SETDB2: variants seen among roughly 807,000 people sequenced by gnomAD.
SETDB2 encodes SET domain bifurcated histone lysine methyltransferase 2.
Under a neutral mutation model 82.5 loss-of-function variants are expected in SETDB2, and 56 were observed. The observed-to-expected ratio is 0.68, with a 90% CI of 0.55 to 0.85. The LOEUF (loss-of-function observed/expected upper bound fraction) is 0.85. SETDB2 is among the 40% of genes least tolerant of loss of function. The pLI is 0.00. For missense variants in SETDB2, 677 were observed against 816.4 expected (o/e 0.83, Z 2.08); for synonymous variants, 272 against 284.9 (o/e 0.95, Z 0.46).
intron 4 of SETDB2, among the ~76,000 whole-genome samples, chr13:49,463,687 T>C (rs1958043858): frequency 6.6e-6 from 1 of 152,220 alleles, no homozygotes; most frequent in African/African-American, 2.4e-5. Context: ...CAGGTGGCCA[T>C]AATTCAGGCC....
chr13:49,488,160 T>G, intron 11 of SETDB2, 130 bp from the exon 12 acceptor site: 1 of 1,311,436 alleles, frequency 7.6e-7, no homozygotes. Context: ...ACAATTAAAA[T>G]AATACTACCT....
In SETDB2 at chr13:49,458,960, G is replaced by A. The variant is rs138764643; in HGVS notation, c.17-1147G>A. The stretch of plus-strand genomic sequence containing the variant: ...TAGCATGGCACATAGGGCCTTCGAT[G>A]TCATGCCCTACCTGCCTTTTAAGCA... On this transcript the variant is annotated intron_variant, in intron 2 of 13. Transcript: ENST00000611815. 1.5e-3 allele frequency among the ~76,000 whole-genome samples: 236 copies of A among 152,320 alleles called. 1 individual carries two copies. The highest frequency in any genetic ancestry group is 5.5e-3 in the African/African-American group (230 of 41,568).
chr13:49,467,827 T>G, intron 4 of SETDB2, 37 bp from the exon 5 acceptor site: 1 of 1,506,276 alleles, frequency 6.6e-7, no homozygotes, highest in Non-Finnish European at 9.1e-7. Context: ...GGTTTTTAAC[T>G]TGGTATATTT....
At position 49,451,805 on chromosome 13, in the gene SETDB2, C is replaced by A; in HGVS notation, c.-89C>A. On this transcript the variant is annotated 5_prime_UTR_variant, in exon 2 of 14. Transcript: ENST00000611815. ...TGAGGACTGCAAATTTTATAGAGAC[C>A]ACAGTTGGATTCCAGTGATATTCTG... 1 of 1,019,876 alleles carries A rather than the reference C, an allele frequency of 9.8e-7. No homozygotes were observed. 63.2% of individuals were successfully genotyped at this position (1,019,876 alleles called of 1,614,324 possible). A position where few individuals can be genotyped will look rare whatever the true frequency, so the allele number is the denominator to read the frequency against.
intron 1 of SETDB2, among the ~76,000 whole-genome samples, chr13:49,447,631 T>C (rs951087546): frequency 2.6e-5 from 4 of 152,182 alleles, no homozygotes; most frequent in Non-Finnish European, 5.9e-5. Flanking sequence ...TTTTTCTGCA[T>C]GAAGTGATAG....
intron 9 of SETDB2, 138 bp from the exon 10 acceptor site, chr13:49,483,326 A>T: frequency 2.4e-6 from 1 of 422,018 alleles, no homozygotes; most frequent in East Asian, 3.8e-5. Context: ...TAGGGAAAGG[A>T]ATAAACATAG....
chr13:49,448,628 G>A (rs1460639886), intron 1 of SETDB2, among the ~76,000 whole-genome samples: 2 of 152,242 alleles, frequency 1.3e-5, no homozygotes, highest in East Asian at 1.9e-4. Context: ...CAGTGACTAT[G>A]CTCTGTGTAA....
In SETDB2 at chr13:49,479,819, G is replaced by A. The variant is rs189106453; in HGVS notation, c.870-400G>A. Among the ~76,000 whole-genome samples the A allele has an allele frequency of 4.1e-4, 63 of 152,312 alleles. 2 individuals carry two copies. The East Asian group carries it at 0.012, about 29-fold the overall frequency. Reference sequence around the variant, plus strand: ...TCCCCAGTCTGTTTCTGTCACTGGAGTGAGAGAGAACTTAAGACATCTGCA... The same window carrying A: ...TCCCCAGTCTGTTTCTGTCACTGGAATGAGAGAGAACTTAAGACATCTGCA... On this transcript the variant is annotated intron_variant, in intron 6 of 13. Transcript: ENST00000611815.
Position 49,483,574 on chromosome 13 carries a change from C to A in SETDB2, c.1482+11C>A. 2 of 1,107,306 alleles carry A rather than the reference C, an allele frequency of 1.8e-6. No individual in the cohort carries two copies. Among genetic ancestry groups the A allele is most frequent in the African/African-American group, 1.7e-5 (1 of 60,438 alleles). 68.6% of individuals were successfully genotyped at this position (1,107,306 alleles called of 1,614,324 possible). ...AATGGGAAAAAAATGGTAAAAAATG[C>A]AAAATGTAGTTGGGACCCTTCTTTT... On this transcript the variant is annotated intron_variant, in intron 10 of 13. Transcript: ENST00000611815.
chr13:49,468,255 GT>G (rs1208783599), intron 5 of SETDB2, among the ~76,000 whole-genome samples: 4 of 151,796 alleles, frequency 2.6e-5, no homozygotes, highest in Non-Finnish European at 5.9e-5. Context: ...TTTGTTTTTT[GT>G]TTTACTGCTT....
At chr13:49,449,000 C>A (rs79754229) in intron 1 of SETDB2, among the ~76,000 whole-genome samples, 3,820 of 152,260 alleles carry the variant, frequency 0.025, 63 homozygotes, top group Non-Finnish European at 0.036. Flanking sequence ...ATATTCAACT[C>A]TTATTTGATA....
At chr13:49,461,296 AAATC>A in intron 4 of SETDB2, 134 bp downstream of exon 4, 1 of 603,956 alleles carries the variant, frequency 1.7e-6, no homozygotes, top group Non-Finnish European at 2.8e-6. Context: ...TAAGTTACAT[AAATC>A]ACAGTTTCCT....
rs1251030111 is a variant in SETDB2, at chr13:49,488,329, A to G, written c.1616A>G (p.Asn539Ser). The G allele has an allele frequency of 1.2e-6, 2 of 1,600,566 alleles. No homozygotes were observed. The highest frequency in any genetic ancestry group is 4.5e-5 in the East Asian group (2 of 44,834). Residue 539 changes from asparagine (N) to serine (S), a missense_variant, in exon 12 of 14, where the codon AAT becomes AGT. Physicochemically the swap from Asn to Ser is conservative, Grantham distance 46. Coordinates refer to ENST00000611815, the MANE Select transcript of SETDB2 (RefSeq NM_001160308.3). ...SSNHVDEFED[N>S]LLIESDVIDI... is the part of the protein sequence containing the mutation. ...AACCATGTTGATGAGTTTGAAGATA[A>G]TCTGCTGATTGAATCAGATGTGATA... is the stretch of plus-strand genomic sequence containing the variant.
chr13:49,450,728 G>A (rs927908247), intron 1 of SETDB2, among the ~76,000 whole-genome samples: 3 of 152,030 alleles, frequency 2.0e-5, no homozygotes, highest in East Asian at 1.9e-4. Context: ...CCATGGTTTG[G>A]TGTGGAAGTG....
At chr13:49,482,090 T>TG in intron 8 of SETDB2, 1 of 985,420 alleles carries the variant, frequency 1.0e-6, no homozygotes, top group Non-Finnish European at 1.2e-6. Flanking sequence ...AAATAACTCT[T>TG]GGATGAAAGC....
intron 3 of SETDB2, 80 bp from the exon 4 acceptor site, chr13:49,461,017 T>C (rs1411303450): frequency 9.2e-7 from 1 of 1,081,702 alleles, no homozygotes; most frequent in Non-Finnish European, 1.4e-6. Context: ...TTAAATGAGA[T>C]AAAATATGTA....
intron 11 of SETDB2, among the ~76,000 whole-genome samples, chr13:49,487,693 A>G: frequency 6.6e-6 from 1 of 152,220 alleles, no homozygotes; most frequent in East Asian, 1.9e-4. Flanking sequence ...ATTGGATAAG[A>G]AAAACGATTA....
intron 4 of SETDB2, 65 bp from the exon 5 acceptor site, chr13:49,467,799 T>G: frequency 8.3e-7 from 1 of 1,208,472 alleles, no homozygotes; most frequent in South Asian, 1.5e-5. Context: ...ACATATTACT[T>G]GGGTACTTAT....
chr13:49,481,176 A>G (rs1958469102), intron 8 of SETDB2, 60 bp downstream of exon 8: 6 of 1,522,814 alleles, frequency 3.9e-6, no homozygotes, highest in Non-Finnish European at 5.4e-6. Context: ...CTAAATATCC[A>G]TTTTCCTAGC....
Sources: gnomAD v4.1 joint callset for allele counts (sites outside exome capture counted in the v4.1 genomes callset) on GRCh38, gnomAD v4.1.1 for gene constraint, MANE v1.5 for transcripts, NCBI Gene and HGNC (gene_info 2026-07-23, HGNC 2026-07-21) for gene names.